ADGRL3: variants seen among roughly 807,000 people sequenced by gnomAD.
The protein encoded by ADGRL3 is adhesion G protein-coupled receptor L3, also known as calcium-independent alpha-latrotoxin receptor 3.
Under a neutral mutation model 153.5 loss-of-function variants are expected in ADGRL3, and 62 were observed. The observed-to-expected ratio is 0.40, with a 90% confidence interval of 0.33 to 0.50. The LOEUF (loss-of-function observed/expected upper bound fraction) is 0.50, where lower values mean the gene tolerates loss of function less well. Ranked by LOEUF, ADGRL3 falls within the 20% of genes least tolerant of loss-of-function variation. ADGRL3 has a pLI of 0.47. For synonymous variants in ADGRL3, 710 were observed against 672.5 expected (o/e 1.06, Z -0.86); for missense variants, 1,641 against 1,859.4 (o/e 0.88, Z 2.16).
At chr4:61,299,724 T>C (rs1212097626) in intron 1 of ADGRL3, among the ~76,000 whole-genome samples, 2 of 152,206 alleles carry the variant, frequency 1.3e-5, no homozygotes, top group African/African-American at 4.8e-5. Flanking sequence ...GTGAGGGCTA[T>C]TGGTAAGTAT....
At chr4:61,919,862 C>T (rs942190712) in intron 13 of ADGRL3, among the ~76,000 whole-genome samples, 6 of 152,108 alleles carry the variant, frequency 3.9e-5, no homozygotes, top group Non-Finnish European at 8.8e-5. Flanking sequence ...CTCCATTTTG[C>T]ACATTTCCTG....
chr4:61,725,185 C>T (rs572484950), intron 6 of ADGRL3, among the ~76,000 whole-genome samples: 17 of 152,196 alleles, frequency 1.1e-4, no homozygotes, highest in East Asian at 1.9e-4. Context: ...TGAATAATAT[C>T]GAAACCTGAA....
intron 21 of ADGRL3, among the ~76,000 whole-genome samples, chr4:62,008,537 A>G (rs1295952765): frequency 1.3e-5 from 2 of 152,128 alleles, no homozygotes; most frequent in Non-Finnish European, 2.9e-5. Context: ...ATGGTTCATA[A>G]GTATTCAGTG....
rs1396738238 is a variant in ADGRL3, at chr4:61,852,896, C to T, written c.1480+39007C>T. On this transcript the variant is annotated intron_variant, in intron 9 of 26. Transcript: ENST00000683033. ...TAGAGCATGTTACTTTTAAAAACTACGGTTAACTCCGCTCTTGCCATCACC... is the reference window on the plus strand; with the variant it reads ...TAGAGCATGTTACTTTTAAAAACTATGGTTAACTCCGCTCTTGCCATCACC... Among the ~76,000 whole-genome samples, 6 of 151,972 alleles carry T rather than the reference C, an allele frequency of 3.9e-5. No individual in the cohort carries two copies. The South Asian group carries it at 6.2e-4, about 16-fold the overall frequency.
At chr4:61,231,824 G>A (rs1224097533) in intron 1 of ADGRL3, among the ~76,000 whole-genome samples, 1 of 151,934 alleles carries the variant, frequency 6.6e-6, no homozygotes, top group African/African-American at 2.4e-5. Context: ...GGTATCCATG[G>A]TATCAGATAC....
chr4:61,551,372 A>C (rs1259099972), intron 4 of ADGRL3, among the ~76,000 whole-genome samples: 2 of 152,168 alleles, frequency 1.3e-5, no homozygotes, highest in African/African-American at 4.8e-5. Flanking sequence ...TAGAGTTAAA[A>C]ATATGTATTT....
chr4:61,807,574 C>T (rs145359731), intron 8 of ADGRL3, among the ~76,000 whole-genome samples: 2 of 152,106 alleles, frequency 1.3e-5, no homozygotes, highest in Non-Finnish European at 2.9e-5. Flanking sequence ...AGTTTCAACA[C>T]TGGGACCAAG....
At chr4:62,012,538 G>A (rs563177610) in intron 21 of ADGRL3, among the ~76,000 whole-genome samples, 24 of 152,234 alleles carry the variant, frequency 1.6e-4, no homozygotes, top group Non-Finnish European at 7.4e-5. Context: ...TCAACAGATA[G>A]TCTGGCTTCA....
chr4:61,363,859 G>A (rs1036954494), intron 1 of ADGRL3, among the ~76,000 whole-genome samples: 4 of 152,208 alleles, frequency 2.6e-5, no homozygotes, highest in Admixed American at 6.5e-5. Context: ...AGTTCATGCA[G>A]CTAATGTAAG....
chr4:61,757,204 C>T (rs1229238325), intron 8 of ADGRL3, among the ~76,000 whole-genome samples: 2 of 152,086 alleles, frequency 1.3e-5, no homozygotes, highest in East Asian at 1.9e-4. Context: ...GGTACCAGCT[C>T]CTCCTTGTTC....
chr4:61,997,899 C>G (rs1352147294), intron 20 of ADGRL3, among the ~76,000 whole-genome samples: 2 of 152,098 alleles, frequency 1.3e-5, no homozygotes, highest in Non-Finnish European at 2.9e-5. Context: ...TGAATTGTTT[C>G]AAAATTTCCA....
chr4:61,863,149 A>G (rs2098361545), intron 9 of ADGRL3, among the ~76,000 whole-genome samples: 1 of 151,476 alleles, frequency 6.6e-6, no homozygotes. Context: ...CACAATGTGC[A>G]TGATACCCTG....
At chr4:61,961,398 G>C (rs1166695377) in intron 17 of ADGRL3, among the ~76,000 whole-genome samples, 1 of 152,110 alleles carries the variant, frequency 6.6e-6, no homozygotes, top group Non-Finnish European at 1.5e-5. Flanking sequence ...GAGTATAATG[G>C]GAGAATTGTC....
intron 6 of ADGRL3, among the ~76,000 whole-genome samples, chr4:61,704,935 G>A (rs901055585): frequency 2.0e-5 from 3 of 152,094 alleles, no homozygotes; most frequent in African/African-American, 7.2e-5. Context: ...TTTAATTCTA[G>A]TTCTCTTTCT....
chr4:61,818,283 C>T (rs2097711069), intron 9 of ADGRL3, among the ~76,000 whole-genome samples: 1 of 152,166 alleles, frequency 6.6e-6, no homozygotes, highest in African/African-American at 2.4e-5. Context: ...ATCGGGTAGT[C>T]ATTAAACCTT....
intron 5 of ADGRL3, among the ~76,000 whole-genome samples, chr4:61,657,252 C>T (rs2094466275): frequency 6.6e-6 from 1 of 152,032 alleles, no homozygotes; most frequent in Admixed American, 6.6e-5. Flanking sequence ...TATAATTAGA[C>T]TATAGGGAAT....
chr4:61,919,437 G>C (rs2098758366), intron 13 of ADGRL3, among the ~76,000 whole-genome samples: 1 of 152,126 alleles, frequency 6.6e-6, no homozygotes, highest in African/African-American at 2.4e-5. Context: ...TCTGCACCCT[G>C]CATGTTTCTG....
chr4:61,535,408 G>A (rs1448877235), intron 4 of ADGRL3, among the ~76,000 whole-genome samples: 1 of 151,920 alleles, frequency 6.6e-6, no homozygotes, highest in Non-Finnish European at 1.5e-5. Context: ...TTCATTTGTT[G>A]TGTCATTGCC....
intron 6 of ADGRL3, among the ~76,000 whole-genome samples, chr4:61,680,184 T>A (rs1442596993): frequency 6.6e-6 from 1 of 152,008 alleles, no homozygotes; most frequent in Non-Finnish European, 1.5e-5. Flanking sequence ...TTCATTAATG[T>A]GAGGGAAATT....
Sources: gnomAD v4.1 joint callset for allele counts (sites outside exome capture counted in the v4.1 genomes callset) on GRCh38, gnomAD v4.1.1 for gene constraint, MANE v1.5 for transcripts, NCBI Gene and HGNC (gene_info 2026-07-23, HGNC 2026-07-21) for gene names.